Variants in MMP20 observed in about 807,000 individuals in gnomAD.
The protein encoded by MMP20 is matrix metallopeptidase 20, also known as matrix metalloproteinase-20.
A neutral mutation model predicts 51.8 loss-of-function variants in MMP20; 50 were observed. That is an observed-to-expected ratio of 0.97 (90% CI 0.77 to 1.22). The LOEUF is 1.22. Ranked by LOEUF, MMP20 falls within the 50% of genes most tolerant of loss-of-function variation. The probability of loss-of-function intolerance (pLI) is 0.00; values close to 1 mark genes in which losing one functional copy is unlikely to be tolerated. For synonymous variants in MMP20, 244 were observed against 216.2 expected (o/e 1.13, Z -1.13); for missense variants, 663 against 601.4 (o/e 1.10, Z -1.07).
chr11:102,600,576 A>G (rs918746402), intron 6 of MMP20, among the ~76,000 whole-genome samples: 12 of 151,986 alleles, frequency 7.9e-5, no homozygotes, highest in Non-Finnish European at 2.9e-5. Context: ...CTCTGCCTCC[A>G]GGGTTCAAGT....
At chr11:102,616,733 G>T in intron 2 of MMP20, 79 bp downstream of exon 2, 1 of 1,574,954 alleles carries the variant, frequency 6.3e-7, no homozygotes, top group Non-Finnish European at 8.7e-7. Context: ...CGGATGAGAA[G>T]GAAAATATTT....
chr11:102,624,558 A>G (rs1242081636), intron 1 of MMP20, among the ~76,000 whole-genome samples: 1 of 152,120 alleles, frequency 6.6e-6, no homozygotes, highest in African/African-American at 2.4e-5. Context: ...AGGAAAATAC[A>G]CAAAGTTTAA....
intron 9 of MMP20, among the ~76,000 whole-genome samples, 199 bp from the exon 10 acceptor site, chr11:102,577,625 G>T (rs373763008): frequency 6.6e-6 from 1 of 152,144 alleles, no homozygotes; most frequent in African/African-American, 2.4e-5. Flanking sequence ...CTTTCTCCTT[G>T]TTCCAGCCGG....
chr11:102,610,578 T>C (rs550515447), intron 3 of MMP20, among the ~76,000 whole-genome samples: 21 of 152,302 alleles, frequency 1.4e-4, no homozygotes, highest in African/African-American at 5.1e-4. Flanking sequence ...GTGGAAAACA[T>C]ATGAAAGTCA....
chr11:102,599,526 T>C (rs932243129), intron 6 of MMP20, among the ~76,000 whole-genome samples: 2 of 152,232 alleles, frequency 1.3e-5, no homozygotes, highest in Non-Finnish European at 2.9e-5. Flanking sequence ...AAAGGATCAA[T>C]TGAAATAATG....
chr11:102,619,320 T>G (rs1007975498), intron 1 of MMP20, among the ~76,000 whole-genome samples: 1 of 152,236 alleles, frequency 6.6e-6, no homozygotes, highest in African/African-American at 2.4e-5. Context: ...TGTTAGGTTA[T>G]GTATTACACT....
chr11:102,621,604 C>A (rs1022012208), intron 1 of MMP20, among the ~76,000 whole-genome samples: 41 of 152,106 alleles, frequency 2.7e-4, no homozygotes, highest in African/African-American at 9.7e-4. Flanking sequence ...GTCTGGAAAC[C>A]TATCCTGAAA....
At chr11:102,597,655 A>G (rs981025535) in intron 6 of MMP20, among the ~76,000 whole-genome samples, 1 of 152,236 alleles carries the variant, frequency 6.6e-6, no homozygotes, top group African/African-American at 2.4e-5. Flanking sequence ...AGTAGTGTCA[A>G]TGTTAAGAAA....
intron 1 of MMP20, among the ~76,000 whole-genome samples, chr11:102,622,603 C>G (rs866393779): frequency 2.6e-5 from 4 of 152,136 alleles, no homozygotes; most frequent in South Asian, 4.2e-4. Flanking sequence ...CAGTCAGCAA[C>G]ACTCTGTCAT....
At chr11:102,611,436 G>A (rs1831419775) in intron 3 of MMP20, among the ~76,000 whole-genome samples, 1 of 152,242 alleles carries the variant, frequency 6.6e-6, no homozygotes, top group African/African-American at 2.4e-5. Flanking sequence ...ACTATCATGG[G>A]AATGGATGAG....
rs918583837 is a variant in MMP20 at position 102,595,229 on chromosome 11, C to T, written c.954-472G>A. Among the ~76,000 whole-genome samples the T allele has an allele frequency of 3.3e-5, 5 of 152,260 alleles. No homozygotes were observed. In the East Asian group the frequency reaches 9.6e-4, roughly 29 times the overall value. ...GACATGAATGACCATGTCCATTCCA[C>T]CCTTGCCATGTTTTTAAGGAAAAAC... On this transcript the variant is annotated intron_variant, in intron 6 of 9. Transcript: ENST00000260228.
intron 7 of MMP20, 41 bp from the exon 8 acceptor site, chr11:102,593,636 T>C (rs748188975): frequency 6.2e-7 from 1 of 1,602,616 alleles, no homozygotes; most frequent in South Asian, 1.1e-5. Flanking sequence ...TCTGCACCAC[T>C]TGGTGATGCA....
intron 9 of MMP20, 90 bp from the exon 10 acceptor site, chr11:102,577,516 T>A: frequency 1.1e-6 from 1 of 930,982 alleles, no homozygotes; most frequent in Non-Finnish European, 1.7e-6. Context: ...TCTTAAAGTG[T>A]CACCAAAGAG....
At chr11:102,598,934 C>A (rs1443448946) in intron 6 of MMP20, among the ~76,000 whole-genome samples, 1 of 151,920 alleles carries the variant, frequency 6.6e-6, no homozygotes, top group African/African-American at 2.4e-5. Context: ...TTTTCATCGT[C>A]TTTAGTCTCA....
At chr11:102,579,274 A>G (rs541121661) in intron 8 of MMP20, 132 bp from the exon 9 acceptor site, 14 of 655,256 alleles carry the variant, frequency 2.1e-5, no homozygotes, top group South Asian at 1.7e-4. Context: ...TCACATACAC[A>G]TACACATGCA....
At chr11:102,580,523 A>G (rs964178149) in intron 8 of MMP20, among the ~76,000 whole-genome samples, 3 of 152,216 alleles carry the variant, frequency 2.0e-5, no homozygotes, top group African/African-American at 7.2e-5. Flanking sequence ...AACATTGAAA[A>G]AGATGTACTC....
intron 6 of MMP20, among the ~76,000 whole-genome samples, chr11:102,600,033 G>A (rs1162871396): frequency 6.6e-6 from 1 of 152,224 alleles, no homozygotes; most frequent in Non-Finnish European, 1.5e-5. Context: ...CAGAAGAAAT[G>A]ACAATGAGTC....
chr11:102,595,958 T>G (rs1859375869), intron 6 of MMP20, among the ~76,000 whole-genome samples: 1 of 152,234 alleles, frequency 6.6e-6, no homozygotes, highest in Admixed American at 6.5e-5. Flanking sequence ...ATTTAGGAAT[T>G]CTCCAAATTT....
At chr11:102,603,541 C>T (rs1211992079) in intron 6 of MMP20, among the ~76,000 whole-genome samples, 1 of 152,198 alleles carries the variant, frequency 6.6e-6, no homozygotes, top group Non-Finnish European at 1.5e-5. Context: ...AATAATACTT[C>T]AGGCCTCACA....
Sources: gnomAD v4.1 joint callset for allele counts (sites outside exome capture counted in the v4.1 genomes callset) on GRCh38, gnomAD v4.1.1 for gene constraint, MANE v1.5 for transcripts, NCBI Gene and HGNC (gene_info 2026-07-23, HGNC 2026-07-21) for gene names.